CCDC187: variants seen among roughly 807,000 people sequenced by gnomAD.
The protein encoded by CCDC187 is coiled-coil domain containing 187.
In CCDC187, 32 loss-of-function variants were observed where a neutral mutation model predicts 38.0. The observed-to-expected ratio is 0.84, with a 90% CI of 0.64 to 1.13. The LOEUF is 1.13. Among genes scored for constraint, CCDC187 ranks in the 50% most tolerant of loss-of-function variants. The pLI is 0.00. For synonymous variants in CCDC187, 333 were observed against 347.9 expected (o/e 0.96, Z 0.48); for missense variants, 707 against 786.8 (o/e 0.90, Z 1.21).
At chr9:136,283,289 A>C (rs984218452) in intron 9 of CCDC187, among the ~76,000 whole-genome samples, 17,791 of 152,230 alleles carry the variant, frequency 0.12, 1,372 homozygotes, top group Admixed American at 0.2. Context: ...AACCAGTCTG[A>C]GAGGCGGCCG....
chr9:136,280,655 C>G (rs1019580176), intron 10 of CCDC187, among the ~76,000 whole-genome samples: 2 of 152,182 alleles, frequency 1.3e-5, no homozygotes, highest in Admixed American at 1.3e-4. Context: ...GCCCCACAGC[C>G]GGGAAGCAGA....
chr9:136,289,525 A>AG (rs1831261310), intron 7 of CCDC187, among the ~76,000 whole-genome samples: 3 of 150,364 alleles, frequency 2.0e-5, no homozygotes, highest in African/African-American at 7.3e-5. Flanking sequence ...TCTCAAAAAA[A>AG]AAAAAAAAAA....
chr9:136,251,338 G>A lies in CCDC187; in HGVS notation c.*2256C>T. On this transcript the variant is annotated 3_prime_UTR_variant, in exon 26 of 26. Coordinates refer to ENST00000638797, the MANE Select transcript of CCDC187 (RefSeq NM_001378188.1). ...GAGCATGCTCCAGAAGAGACCTTGG[G>A]CCACTGATCCCCAGAGGAAAAGCCC... is the stretch of plus-strand genomic sequence containing the variant. 3.5e-6 allele frequency: 1 copy of A among 286,472 alleles called. No homozygotes were observed. The highest frequency in any genetic ancestry group is 3.2e-5 in the South Asian group (1 of 31,392). The allele number at this position is 286,472 out of a possible 1,614,324, so 17.7% of individuals were successfully genotyped here.
chr9:136,266,394 C>G (rs1830749521), intron 16 of CCDC187: 1 of 152,246 alleles, frequency 6.6e-6, no homozygotes, highest in African/African-American at 2.4e-5. Context: ...CCCCACCCAT[C>G]ATGGAATAAA....
chr9:136,279,770 A>G (rs2131238363), intron 10 of CCDC187, among the ~76,000 whole-genome samples: 1 of 152,348 alleles, frequency 6.6e-6, no homozygotes, highest in Admixed American at 6.5e-5. Flanking sequence ...GTCCCTCCTC[A>G]TGTTGAAATA....
chr9:136,297,303 G>GGGTGGTGTGAGCTGCA (rs1466637635), intron 4 of CCDC187, among the ~76,000 whole-genome samples: 1 of 150,530 alleles, frequency 6.6e-6, no homozygotes, highest in African/African-American at 2.5e-5. Context: ...TGTGAGCTGC[G>GGGTGGTGTGAGCTGCA]GGTGGTGTGA....
chr9:136,266,020 C>G lies in CCDC187; in HGVS notation c.3671G>C (p.Arg1224Thr). 11 of 985,554 alleles carry G rather than the reference C, an allele frequency of 1.1e-5. No individual in the cohort carries two copies. Among genetic ancestry groups the G allele is most frequent in the Non-Finnish European group, 1.2e-5 (10 of 829,996 alleles). The allele number at this position is 985,554 out of a possible 1,614,324, so 61.1% of individuals were successfully genotyped here. ...CTCAACCAGCGCGGCCAGCACAGCT[C>G]TGTCCCTCTTGCTGTCCAGGCACCT... ...RRGCLDSKRD[R>T]AVLAALVEKQ... Residue 1224 changes from arginine to threonine, a missense_variant, in exon 17 of 26, where the codon AGA (arginine) becomes ACA (threonine). Transcript: ENST00000638797.
At chr9:136,287,981 C>A (rs1428316196) in intron 7 of CCDC187, among the ~76,000 whole-genome samples, 1 of 152,186 alleles carries the variant, frequency 6.6e-6, no homozygotes, top group African/African-American at 2.4e-5. Context: ...CAGGTGGGAG[C>A]CACCATGCCC....
At position 136,264,964 on chromosome 9, in the gene CCDC187, C is replaced by A. The variant is rs1830727398; in HGVS notation, c.3735+992G>T. On this transcript the variant is annotated intron_variant, in intron 17 of 25. Transcript: ENST00000638797. This position sits in a 1 kb window ranked among gnomAD's most constrained non-coding sequence, Gnocchi z 4.3. ...ACGGGGTCTTGCTATGTTGCCCAGG[C>A]CTGTCTCACATTCCTGGGCTCAAGC... Among the ~76,000 whole-genome samples the A allele has an allele frequency of 6.6e-6, 1 of 152,178 alleles. No individual in the cohort carries two copies. Among genetic ancestry groups the A allele is most frequent in the Non-Finnish European group, 1.5e-5 (1 of 68,022 alleles).
In CCDC187 at chr9:136,254,440, G is replaced by T. The variant is rs562254515; in HGVS notation, c.5388C>A (p.Gly1796=). ...PAGGSLGLGS[G]VEPQVAPPSP... ...AGGGAGGAGCCACCTGGGGCTCCACGCCGCTTCCAAGGCCCAGTGAGCCAC... is the reference window on the plus strand; with the variant it reads ...AGGGAGGAGCCACCTGGGGCTCCACTCCGCTTCCAAGGCCCAGTGAGCCAC... The change falls in exon 26 of 26, where the codon GGC becomes GGA. Residue 1796 remains glycine, a synonymous_variant. Transcript: ENST00000638797. 2 of 985,334 alleles carry T rather than the reference G, an allele frequency of 2.0e-6. No homozygotes were observed. Among genetic ancestry groups the T allele is most frequent in the South Asian group, 4.7e-5 (1 of 21,260 alleles). The allele number at this position is 985,334 out of a possible 1,614,324, so 61.0% of individuals were successfully genotyped here.
intron 7 of CCDC187, among the ~76,000 whole-genome samples, chr9:136,286,947 C>T (rs878987755): frequency 2.0e-5 from 3 of 152,088 alleles, no homozygotes; most frequent in East Asian, 1.9e-4. Context: ...GGTGTAAAAC[C>T]GTCCTGCTGT....
intron 4 of CCDC187, chr9:136,295,873 AG>A (rs1489152717): frequency 6.6e-6 from 1 of 152,326 alleles, no homozygotes; most frequent in Non-Finnish European, 1.5e-5. Flanking sequence ...GTGATCATGC[AG>A]AAAATTGTTA....
chr9:136,283,968 G>A (rs1831109622), intron 9 of CCDC187, among the ~76,000 whole-genome samples: 1 of 152,178 alleles, frequency 6.6e-6, no homozygotes, highest in Admixed American at 6.5e-5. Context: ...GTGGGGTTGG[G>A]AGTGAGATGG....
At chr9:136,265,869 G>A in intron 17 of CCDC187, 87 bp downstream of exon 17, 3 of 646,768 alleles carry the variant, frequency 4.6e-6, no homozygotes, top group Non-Finnish European at 5.8e-6. Flanking sequence ...TCTGTTGCTG[G>A]GGAATGTTCA....
At position 136,286,607 on chromosome 9, in the gene CCDC187, G is replaced by A. The variant is rs1242050672; in HGVS notation, c.2311C>T (p.Pro771Ser). Residue 771 changes from proline to serine, a missense_variant, in exon 8 of 26, where the codon CCC becomes TCC. Pro to Ser is a moderately conservative substitution (Grantham distance 74). Transcript: ENST00000638797. ...MGGPQDGRDA[P>S]VLLSASPSLG... Reference sequence around the variant, plus strand: ...GAGGGTGAAGCTGACAGCAGCACGGGGGCATCCCGGCCATCTTGGGGGCCC... The same window carrying A: ...GAGGGTGAAGCTGACAGCAGCACGGAGGCATCCCGGCCATCTTGGGGGCCC... 3 of 398,630 alleles carry A rather than the reference G, an allele frequency of 7.5e-6. No individual in the cohort carries two copies. The highest frequency in any genetic ancestry group is 1.3e-5 in the Non-Finnish European group (3 of 226,186). The allele number at this position is 398,630 out of a possible 1,614,324, so 24.7% of individuals were successfully genotyped here. A position where few individuals can be genotyped will look rare whatever the true frequency, so the allele number is the denominator to read the frequency against.
chr9:136,294,356 T>A (rs1055761732), intron 4 of CCDC187, among the ~76,000 whole-genome samples: 4 of 152,230 alleles, frequency 2.6e-5, no homozygotes, highest in South Asian at 4.1e-4. Flanking sequence ...TCACACACAC[T>A]GCTTATTCCA....
In CCDC187 at chr9:136,268,376, A is replaced by C. The variant is rs150812388; in HGVS notation, c.3443-251T>G. 5.2e-3 allele frequency among the ~76,000 whole-genome samples: 797 copies of C among 152,312 alleles called. 10 individuals carry two copies. The highest frequency in any genetic ancestry group is 0.017 in the African/African-American group (726 of 41,552). ...GAAAGACCAGACCAAAAGTAGAGGAAGCTCAGGGAGACAGCCCAGCTGCTC... is the reference window on the plus strand; with the variant it reads ...GAAAGACCAGACCAAAAGTAGAGGACGCTCAGGGAGACAGCCCAGCTGCTC... On this transcript the variant is annotated intron_variant, in intron 14 of 25. Transcript: ENST00000638797.
rs1474627550 is a variant in CCDC187, at chr9:136,263,799, C to T, written c.3736-1G>A. ...TGTGTCTCAGGTATTGGATTTCCCT[C>T]TGAGCAGGCAAAATAAGCAGATGTC... is the stretch of plus-strand genomic sequence containing the variant. On this transcript the variant is annotated splice_acceptor_variant, in intron 17 of 25. Transcript: ENST00000638797. LOFTEE classifies it high-confidence loss of function. 1 of 985,408 alleles carries T rather than the reference C, an allele frequency of 1.0e-6. No homozygotes were observed. Among genetic ancestry groups the T allele is most frequent in the African/African-American group, 1.7e-5 (1 of 57,250 alleles). The allele number at this position is 985,408 out of a possible 1,614,324, so 61.0% of individuals were successfully genotyped here.
At chr9:136,274,080 T>C (rs1376334132) in intron 14 of CCDC187, among the ~76,000 whole-genome samples, 1 of 151,408 alleles carries the variant, frequency 6.6e-6, no homozygotes, top group African/African-American at 2.4e-5. Flanking sequence ...CTCAAAGGAG[T>C]GGAGGTGGGC....
Sources: allele counts gnomAD v4.1 joint callset (sites outside exome capture counted in the v4.1 genomes callset), GRCh38; gene constraint gnomAD v4.1.1; non-coding constraint Gnocchi (gnomAD v3.1); transcripts MANE v1.5; gene names NCBI Gene and HGNC (gene_info 2026-07-23, HGNC 2026-07-21).